Variants in EML6 observed in about 807,000 individuals in gnomAD.
EML6 encodes the protein EMAP like 6.
In EML6, 154 loss-of-function variants were observed where a neutral mutation model predicts 240.1. The observed-to-expected ratio is 0.64, with a 90% confidence interval of 0.56 to 0.73. The LOEUF is 0.73. Ranked by LOEUF, EML6 falls within the 30% of genes least tolerant of loss-of-function variation. The pLI, the probability that EML6 is intolerant of heterozygous loss-of-function variation, is 0.00. For missense variants in EML6, 2,964 were observed against 2,474.6 expected, an observed-to-expected ratio of 1.20 and a Z score of -4.20; for synonymous variants, 1,148 against 899.0, an observed-to-expected ratio of 1.28 and a Z score of -4.95.
intron 9 of EML6, among the ~76,000 whole-genome samples, chr2:54,848,637 A>G (rs2103728932): frequency 6.6e-6 from 1 of 152,286 alleles, no homozygotes; most frequent in East Asian, 1.9e-4. Flanking sequence ...ACTGTTATGT[A>G]GAACGATTAT....
At chr2:54,779,750 T>C (rs1200006191) in intron 2 of EML6, among the ~76,000 whole-genome samples, 4 of 149,990 alleles carry the variant, frequency 2.7e-5, no homozygotes, top group Non-Finnish European at 5.9e-5. Context: ...TAGTCACAGC[T>C]ACTTGGAAGG....
rs578045867 is a variant in EML6, at chr2:54,868,281, C to T, written c.2052-900C>T. On this transcript the variant is annotated intron_variant, in intron 14 of 41. Coordinates refer to ENST00000356458, the MANE Select transcript of EML6 (RefSeq NM_001039753.4). ...TTTGAATTATAGTTATTAGTAAAGT[C>T]GACTAAATCAACATGAATATATTAC... 7.2e-5 allele frequency: 11 copies of T among 151,832 alleles called. 2 individuals carry two copies. The highest frequency in any genetic ancestry group is 4.2e-4 in the South Asian group (2 of 4,800). The allele number at this position is 151,832 out of a possible 1,614,324, so 9.4% of individuals were successfully genotyped here.
intron 2 of EML6, among the ~76,000 whole-genome samples, chr2:54,734,306 C>G (rs1221277275): frequency 1.3e-5 from 2 of 152,224 alleles, no homozygotes; most frequent in Admixed American, 6.5e-5. Context: ...CCACTGCACT[C>G]TAGCCTGGGT....
At chr2:54,945,556 C>A (rs1051419950) in intron 28 of EML6, among the ~76,000 whole-genome samples, 1 of 152,164 alleles carries the variant, frequency 6.6e-6, no homozygotes, top group African/African-American at 2.4e-5. Context: ...GCTGTCCAAG[C>A]CTCACTCCCC....
intron 7 of EML6, among the ~76,000 whole-genome samples, chr2:54,829,948 T>C (rs1668785026): frequency 6.6e-6 from 1 of 152,150 alleles, no homozygotes; most frequent in Non-Finnish European, 1.5e-5. Context: ...AGTTAAGAAA[T>C]TGAACGGCAG....
At chr2:54,812,976 A>G (rs573245161) in intron 2 of EML6, among the ~76,000 whole-genome samples, 1 of 152,360 alleles carries the variant, frequency 6.6e-6, no homozygotes, top group African/African-American at 2.4e-5. Context: ...TTGAATAATT[A>G]CAATCACAAC....
intron 10 of EML6, 190 bp downstream of exon 10, chr2:54,850,408 G>A (rs1573000395): frequency 1.7e-6 from 1 of 572,098 alleles, no homozygotes; most frequent in African/African-American, 1.9e-5. Context: ...GACATTCAAA[G>A]GAAAGGTATG....
chr2:54,773,410 T>C (rs546706227), intron 2 of EML6, among the ~76,000 whole-genome samples: 1 of 152,350 alleles, frequency 6.6e-6, no homozygotes, highest in Non-Finnish European at 1.5e-5. Flanking sequence ...GACTGTCAAA[T>C]TGCTTATCTC....
intron 13 of EML6, among the ~76,000 whole-genome samples, chr2:54,865,801 A>T (rs1670942242): frequency 6.6e-6 from 1 of 152,248 alleles, no homozygotes; most frequent in Non-Finnish European, 1.5e-5. Context: ...TATTTGATTT[A>T]CATTCACAAT....
At chr2:54,965,352 C>G (rs1051605092) in intron 38 of EML6, among the ~76,000 whole-genome samples, 1 of 152,166 alleles carries the variant, frequency 6.6e-6, no homozygotes, top group African/African-American at 2.4e-5. Context: ...TTTGCTGAAC[C>G]GGGCACTATG....
chr2:54,813,213 G>A lies in EML6; in HGVS notation c.198-19G>A. ...TTTCTTCAGTTGGAAGATGTGAAAAGAAACCTTTTCTCTTTCAGCCTTGCC... is the reference window on the plus strand; with the variant it reads ...TTTCTTCAGTTGGAAGATGTGAAAAAAAACCTTTTCTCTTTCAGCCTTGCC... On this transcript the variant is annotated intron_variant, in intron 2 of 41. Transcript: ENST00000356458. 1 of 1,527,196 alleles carries A rather than the reference G, an allele frequency of 6.5e-7. No individual in the cohort carries two copies. The highest frequency in any genetic ancestry group is 8.8e-7 in the Non-Finnish European group (1 of 1,134,114). The allele number at this position is 1,527,196 out of a possible 1,614,324, so 94.6% of individuals were successfully genotyped here.
Position 54,850,393 on chromosome 2 carries a change from T to A in EML6, c.1444+175T>A, listed in dbSNP as rs1245378116. 6.8e-6 allele frequency: 4 copies of A among 590,048 alleles called. No individual in the cohort carries two copies. In the African/African-American group the frequency reaches 7.5e-5, roughly 11 times the overall value. The allele number at this position is 590,048 out of a possible 1,614,324, so 36.6% of individuals were successfully genotyped here. On this transcript the variant is annotated intron_variant, in intron 10 of 41. Coordinates refer to ENST00000356458, the MANE Select transcript of EML6 (RefSeq NM_001039753.4). ...ATGTTTTCTGTCGCAAGATCCTAAA[T>A]AACAGACATTCAAAGGAAAGGTATG...
intron 2 of EML6, among the ~76,000 whole-genome samples, chr2:54,746,676 T>C (rs17046281): frequency 0.098 from 14,966 of 152,242 alleles, 2,361 homozygotes; most frequent in African/African-American, 0.33. Flanking sequence ...TAAGCGACTT[T>C]TTTGTTTTAT....
At chr2:54,799,200 A>T (rs1263815594) in intron 2 of EML6, among the ~76,000 whole-genome samples, 1 of 152,154 alleles carries the variant, frequency 6.6e-6, no homozygotes, top group African/African-American at 2.4e-5. Flanking sequence ...AGCTGGGACT[A>T]CAGGTGTGCA....
chr2:54,786,139 T>G (rs1454250355), intron 2 of EML6, among the ~76,000 whole-genome samples: 1 of 151,916 alleles, frequency 6.6e-6, no homozygotes, highest in Non-Finnish European at 1.5e-5. Context: ...ATTTGAGAAG[T>G]CCCACCGGGG....
intron 2 of EML6, among the ~76,000 whole-genome samples, chr2:54,785,166 C>A (rs992862210): frequency 6.0e-5 from 8 of 134,368 alleles, no homozygotes; most frequent in African/African-American, 2.3e-4. Flanking sequence ...CCCCCACACA[C>A]ACACTTTTTT....
At chr2:54,969,655 G>C (rs1366239174) in intron 41 of EML6, among the ~76,000 whole-genome samples, 1 of 152,222 alleles carries the variant, frequency 6.6e-6, no homozygotes, top group Non-Finnish European at 1.5e-5. Flanking sequence ...AAAAGAAGTG[G>C]CCTTAACCGT....
At chr2:54,913,798 A>G (rs183586192) in intron 25 of EML6, among the ~76,000 whole-genome samples, 1 of 152,296 alleles carries the variant, frequency 6.6e-6, no homozygotes, top group Admixed American at 6.5e-5. Context: ...GAGGTCTTAC[A>G]TTTAAATCTC....
At chr2:54,799,732 G>T (rs150702094) in intron 2 of EML6, among the ~76,000 whole-genome samples, 1,718 of 152,244 alleles carry the variant, frequency 0.011, 33 homozygotes, top group African/African-American at 0.04. Context: ...CTTACTATCT[G>T]ACCCTTTATA....
Sources: gnomAD v4.1 joint callset for allele counts (sites outside exome capture counted in the v4.1 genomes callset) on GRCh38, gnomAD v4.1.1 for gene constraint, MANE v1.5 for transcripts, NCBI Gene and HGNC (gene_info 2026-07-23, HGNC 2026-07-21) for gene names.